SLC5A1: variants seen among roughly 807,000 people sequenced by gnomAD.
SLC5A1 encodes sodium/glucose cotransporter 1.
Under a neutral mutation model 73.5 loss-of-function variants are expected in SLC5A1, and 42 were observed. The observed-to-expected ratio is 0.57, with a 90% CI of 0.45 to 0.74. The LOEUF is 0.74. Among genes scored for constraint, SLC5A1 ranks in the 30% least tolerant of loss-of-function variants. The pLI is 0.00. For synonymous variants in SLC5A1, 300 were observed against 317.4 expected, an observed-to-expected ratio of 0.95 and a Z score of 0.58; for missense variants, 634 against 855.4, an observed-to-expected ratio of 0.74 and a Z score of 3.23.
intron 11 of SLC5A1, among the ~76,000 whole-genome samples, chr22:32,097,782 CT>C (rs915925313): frequency 6.6e-6 from 1 of 152,214 alleles, no homozygotes; most frequent in Middle Eastern, 3.4e-3. Context: ...ATCACTAATT[CT>C]TTTTTTATCG....
intron 14 of SLC5A1, among the ~76,000 whole-genome samples, chr22:32,105,112 C>T (rs1251032181): frequency 6.6e-6 from 1 of 152,058 alleles, no homozygotes; most frequent in African/African-American, 2.4e-5. Context: ...CTCCCTCACC[C>T]CTCATATTTA....
chr22:32,098,271 C>G (rs1261028386), intron 11 of SLC5A1, among the ~76,000 whole-genome samples: 1 of 152,142 alleles, frequency 6.6e-6, no homozygotes, highest in Non-Finnish European at 1.5e-5. Flanking sequence ...TGCTGTAGAT[C>G]TTAGTTTGTA....
intron 12 of SLC5A1, among the ~76,000 whole-genome samples, chr22:32,099,714 AG>A (rs1266939394): frequency 2.0e-5 from 3 of 152,106 alleles, no homozygotes. Context: ...AGCCAAGATT[AG>A]ATTTTCTATC....
Position 32,050,033 on chromosome 22 carries a change from G to A in SLC5A1, c.207+19G>A, listed in dbSNP as rs201259641. 1.5e-5 allele frequency: 24 copies of A among 1,604,832 alleles called. No homozygotes were observed. The highest frequency in any genetic ancestry group is 1.9e-5 in the Non-Finnish European group (22 of 1,171,624). On this transcript the variant is annotated intron_variant, in intron 2 of 14. Transcript: ENST00000266088. ...GTGGCCGGTAAGTTTTCTCTGAAATGCTATTTACATAACTGCTTAACTGAT... is the reference window on the plus strand; with the variant it reads ...GTGGCCGGTAAGTTTTCTCTGAAATACTATTTACATAACTGCTTAACTGAT...
chr22:32,097,726 AG>A (rs1011791385), intron 11 of SLC5A1, among the ~76,000 whole-genome samples: 5 of 152,248 alleles, frequency 3.3e-5, no homozygotes, highest in Admixed American at 1.3e-4. Context: ...GCTATTTGCA[AG>A]GTTTTACTCT....
chr22:32,075,674 A>G (rs998096516), intron 5 of SLC5A1, among the ~76,000 whole-genome samples: 1 of 152,138 alleles, frequency 6.6e-6, no homozygotes, highest in Admixed American at 6.5e-5. Flanking sequence ...TGAGTTGCCA[A>G]GAGTAGGATT....
chr22:32,047,932 G>A (rs895606884), intron 1 of SLC5A1, among the ~76,000 whole-genome samples: 6 of 151,938 alleles, frequency 3.9e-5, no homozygotes, highest in African/African-American at 9.7e-5. Context: ...AAGCCGAGGC[G>A]GGCAGATCAC....
chr22:32,076,871 G>T (rs1464609967), intron 5 of SLC5A1, among the ~76,000 whole-genome samples: 1 of 152,200 alleles, frequency 6.6e-6, no homozygotes. Flanking sequence ...TATTCCCCAT[G>T]AATTCCATGG....
intron 1 of SLC5A1, among the ~76,000 whole-genome samples, chr22:32,048,595 G>C (rs1464775493): frequency 6.6e-6 from 1 of 152,120 alleles, no homozygotes; most frequent in Non-Finnish European, 1.5e-5. Context: ...CCTTCTCCAC[G>C]CTGGGTGAGG....
chr22:32,060,673 G>A (rs1249660690), intron 2 of SLC5A1, among the ~76,000 whole-genome samples: 1 of 152,098 alleles, frequency 6.6e-6, no homozygotes, highest in Non-Finnish European at 1.5e-5. Flanking sequence ...GGGCTCAAGC[G>A]ATCCTCCCAC....
chr22:32,098,180 C>T (rs1231879735), intron 11 of SLC5A1, among the ~76,000 whole-genome samples: 1 of 152,202 alleles, frequency 6.6e-6, no homozygotes, highest in Non-Finnish European at 1.5e-5. Flanking sequence ...TATAATCCAG[C>T]AGTATCACTC....
intron 1 of SLC5A1, among the ~76,000 whole-genome samples, chr22:32,049,158 ATATAATCTATATCTATATCTAT>A (rs2093941492): frequency 7.8e-6 from 1 of 128,760 alleles, no homozygotes; most frequent in African/African-American, 2.6e-5. Context: ...TCTATATTAT[ATATAATCTATATCTATATCTAT>A]ATCTATATCT....
chr22:32,109,155 C>T (rs926110356), intron 14 of SLC5A1, among the ~76,000 whole-genome samples: 1 of 152,160 alleles, frequency 6.6e-6, no homozygotes, highest in African/African-American at 2.4e-5. Flanking sequence ...GCCTGGGCAA[C>T]AGAGCAAGAC....
At chr22:32,094,002 A>AT (rs979549951) in intron 11 of SLC5A1, among the ~76,000 whole-genome samples, 3 of 588 alleles carry the variant, frequency 5.1e-3, no homozygotes, top group African/African-American at 0.022. Flanking sequence ...CTTTTATTAC[A>AT]TTAAGGTATG....
intron 5 of SLC5A1, among the ~76,000 whole-genome samples, chr22:32,079,144 A>C (rs76437810): frequency 6.6e-6 from 1 of 150,574 alleles, no homozygotes; most frequent in Non-Finnish European, 1.5e-5. Context: ...ACAAACAAAC[A>C]AAAAAAAACA....
At chr22:32,099,447 G>A in intron 12 of SLC5A1, 96 bp downstream of exon 12, 1 of 1,201,470 alleles carries the variant, frequency 8.3e-7, no homozygotes, top group Non-Finnish European at 1.2e-6. Context: ...CTATTTCCCA[G>A]AGATCTTGAG....
Position 32,084,622 on chromosome 22 carries a change from T to C in SLC5A1, c.848T>C (p.Met283Thr), listed in dbSNP as rs1182098265. ...CCATGGCCTGGGTTCATCTTTGGGA[T>C]GTCCATCCTTACCTTGTGGTACTGG... is the stretch of plus-strand genomic sequence containing the variant. ...DLPWPGFIFG[M>T]SILTLWYWCT... The change falls in exon 8 of 15, where the codon ATG (methionine) becomes ACG (threonine). Residue 283 changes from methionine (M) to threonine (T), a missense_variant. Coordinates refer to ENST00000266088, the MANE Select transcript of SLC5A1 (RefSeq NM_000343.4). The C allele has an allele frequency of 5.0e-6, 8 of 1,614,104 alleles. No individual in the cohort carries two copies. The South Asian group carries it at 8.8e-5, about 18-fold the overall frequency.
intron 11 of SLC5A1, among the ~76,000 whole-genome samples, chr22:32,098,709 G>T (rs1314228227): frequency 6.6e-6 from 1 of 152,058 alleles, no homozygotes; most frequent in African/African-American, 2.4e-5. Context: ...ATTTTTTCTT[G>T]CTGTGGTTAT....
chr22:32,067,949 C>A lies in SLC5A1; in HGVS notation c.313-18C>A. On this transcript the variant is annotated intron_variant, in intron 3 of 14. Transcript: ENST00000266088. ...AAGTTTCCTCCTAATTTGAGTCCAC[C>A]TTTTGTGTTCATTTCAGGCCCTGGT... The A allele has an allele frequency of 1.2e-6, 2 of 1,614,028 alleles. No homozygotes were observed. Among genetic ancestry groups the A allele is most frequent in the Non-Finnish European group, 1.7e-6 (2 of 1,179,926 alleles).
Sources: allele counts gnomAD v4.1 joint callset (sites outside exome capture counted in the v4.1 genomes callset), GRCh38; gene constraint gnomAD v4.1.1; transcripts MANE v1.5; gene names NCBI Gene and HGNC (gene_info 2026-07-23, HGNC 2026-07-21).